Variants in NFIB observed in about 807,000 individuals in gnomAD.
NFIB encodes nuclear factor 1 B-type.
NFIB carries 11 observed loss-of-function variants against 61.5 expected under a neutral mutation model. The observed-to-expected ratio is 0.18, with a 90% CI of 0.11 to 0.30. The LOEUF (loss-of-function observed/expected upper bound fraction) is 0.30. NFIB is among the 10% of genes least tolerant of loss of function. The probability of loss-of-function intolerance (pLI) is 1.00; values close to 1 mark genes in which losing one functional copy is unlikely to be tolerated. For missense variants in NFIB, 471 were observed against 608.9 expected, an observed-to-expected ratio of 0.77 and a Z score of 2.38; for synonymous variants, 260 against 216.5, an observed-to-expected ratio of 1.20 and a Z score of -1.76.
chr9:14,347,985 C>A (rs2061053443), intron 1 of NFIB, among the ~76,000 whole-genome samples: 1 of 152,150 alleles, frequency 6.6e-6, no homozygotes, highest in Non-Finnish European at 1.5e-5. Context: ...CGGTCCTTGG[C>A]GGGGACGTTG....
chr9:14,384,730 C>T (rs1241508469), intron 1 of NFIB, among the ~76,000 whole-genome samples: 1 of 152,128 alleles, frequency 6.6e-6, no homozygotes, highest in Admixed American at 6.5e-5. Context: ...CATTCATTTT[C>T]CTGAAATTCT....
At chr9:14,166,971 T>A (rs1450934704) in intron 3 of NFIB, among the ~76,000 whole-genome samples, 3 of 152,086 alleles carry the variant, frequency 2.0e-5, no homozygotes, top group African/African-American at 7.2e-5. Flanking sequence ...TCTCTGGAAT[T>A]TTTTTCTAGT....
chr9:14,216,544 C>CGTGTG (rs1587681077), intron 2 of NFIB, among the ~76,000 whole-genome samples: 18 of 12,928 alleles, frequency 1.4e-3, no homozygotes, highest in East Asian at 4.7e-3. Context: ...CTCTCTCTCC[C>CGTGTG]TCTGTGTGTG....
intron 1 of NFIB, among the ~76,000 whole-genome samples, chr9:14,397,819 G>A (rs2061702360): frequency 6.6e-6 from 1 of 152,114 alleles, no homozygotes; most frequent in Non-Finnish European, 1.5e-5. Context: ...ATTCAGAAGG[G>A]TACAGAGAAG....
chr9:14,155,921 A>T (rs2043343673), intron 3 of NFIB, 28 bp from the exon 4 acceptor site: 1 of 1,360,780 alleles, frequency 7.3e-7, no homozygotes, highest in African/African-American at 1.5e-5. Flanking sequence ...AGGAAAAATG[A>T]TCAATATAAG....
chr9:14,499,022 G>C, the NFIB span, among the ~76,000 whole-genome samples: 2 of 151,430 alleles, frequency 1.3e-5, no homozygotes, highest in Non-Finnish European at 3.0e-5. Flanking sequence ...ACGTGCACAT[G>C]TGCACGTGTG....
At position 14,365,827 on chromosome 9, in the gene NFIB, C is replaced by T. The variant is rs557809429; in HGVS notation, c.108+32697G>A. On this transcript the variant is annotated intron_variant, in intron 1 of 8. Coordinates refer to the NFIB transcript ENST00000380934. ...GAGTATCAAGCGTGTTCCTTTCTGA[C>T]TGATCTAACGTGAGACCAAAAACTA... is the stretch of plus-strand genomic sequence containing the variant. Among the ~76,000 whole-genome samples, 8 of 152,300 alleles carry T rather than the reference C, an allele frequency of 5.3e-5. No homozygotes were observed. In the East Asian group the frequency reaches 1.5e-3, roughly 29 times the overall value.
intron 10 of NFIB, among the ~76,000 whole-genome samples, chr9:14,096,972 C>A (rs1319280057): frequency 6.6e-6 from 1 of 152,070 alleles, no homozygotes; most frequent in Non-Finnish European, 1.5e-5. Flanking sequence ...TCGTGTTGTA[C>A]AAATCTTTCT....
At chr9:14,484,807 G>A in the NFIB span, among the ~76,000 whole-genome samples, 1 of 152,200 alleles carries the variant, frequency 6.6e-6, no homozygotes, top group African/African-American at 2.4e-5. Flanking sequence ...TCTGTATGGA[G>A]GCTGTATTAG....
the NFIB span, among the ~76,000 whole-genome samples, chr9:14,468,132 C>T: frequency 6.6e-6 from 1 of 152,128 alleles, no homozygotes; most frequent in Non-Finnish European, 1.5e-5. Flanking sequence ...GAAAACCAAC[C>T]GATTTGACAA....
chr9:14,342,812 A>G (rs1249245678), intron 1 of NFIB, among the ~76,000 whole-genome samples: 1 of 152,136 alleles, frequency 6.6e-6, no homozygotes, highest in Non-Finnish European at 1.5e-5. Context: ...TGTGTTTTAT[A>G]ACATCGATGC....
At chr9:14,491,114 T>C in the NFIB span, among the ~76,000 whole-genome samples, 1 of 152,164 alleles carries the variant, frequency 6.6e-6, no homozygotes, top group Non-Finnish European at 1.5e-5. Context: ...TTACCAACGA[T>C]ATAATTTTGG....
intron 10 of NFIB, among the ~76,000 whole-genome samples, chr9:14,106,963 T>A (rs1395894756): frequency 6.6e-6 from 1 of 152,092 alleles, no homozygotes; most frequent in African/African-American, 2.4e-5. Flanking sequence ...CAGGCAAATT[T>A]ACCTTCTCAC....
At chr9:14,139,517 T>G (rs1158616075) in intron 6 of NFIB, among the ~76,000 whole-genome samples, 1 of 152,238 alleles carries the variant, frequency 6.6e-6, no homozygotes, top group Non-Finnish European at 1.5e-5. Flanking sequence ...TCCATCAAGC[T>G]AGAAACCCAG....
At chr9:14,187,019 G>GTGTA (rs1246722051) in intron 2 of NFIB, among the ~76,000 whole-genome samples, 2 of 15,512 alleles carry the variant, frequency 1.3e-4, no homozygotes, top group Non-Finnish European at 4.7e-4. Context: ...GTGTGTGTGT[G>GTGTA]TGTGTGTATG....
At chr9:14,449,020 G>C in the NFIB span, among the ~76,000 whole-genome samples, 1 of 152,138 alleles carries the variant, frequency 6.6e-6, no homozygotes, top group East Asian at 1.9e-4. Flanking sequence ...AAGTTGCTGG[G>C]ATGGATGATC....
In NFIB at chr9:14,170,448, C is replaced by T. The variant is rs1039779502; in HGVS notation, c.616+9279G>A. ...CTTCAGCCCAGGAGCTGGGGACCAGCCTAGGCAACATAGCAAGGCTCTGTC... is the reference window on the plus strand; with the variant it reads ...CTTCAGCCCAGGAGCTGGGGACCAGTCTAGGCAACATAGCAAGGCTCTGTC... On this transcript the variant is annotated intron_variant, in intron 3 of 10. Transcript: ENST00000380953. Among the ~76,000 whole-genome samples the T allele has an allele frequency of 3.9e-5, 6 of 152,182 alleles. No individual in the cohort carries two copies. The South Asian group carries it at 1.0e-3, about 26-fold the overall frequency.
intron 2 of NFIB, among the ~76,000 whole-genome samples, chr9:14,268,533 C>T (rs543088751): frequency 6.6e-6 from 1 of 152,340 alleles, no homozygotes; most frequent in African/African-American, 2.4e-5. Context: ...CCAGGACCCC[C>T]ATGCCTCACA....
At chr9:14,251,951 C>A (rs561158589) in intron 2 of NFIB, among the ~76,000 whole-genome samples, 1 of 152,270 alleles carries the variant, frequency 6.6e-6, no homozygotes, top group South Asian at 2.1e-4. Context: ...ATTTAGTCAC[C>A]GTTATCCACC....
Sources: allele counts gnomAD v4.1 joint callset (sites outside exome capture counted in the v4.1 genomes callset), GRCh38; gene constraint gnomAD v4.1.1; transcripts MANE v1.5; gene names NCBI Gene and HGNC (gene_info 2026-07-23, HGNC 2026-07-21).